The following NLGN1 variants were observed in gnomAD, a reference collection of about 807,000 sequenced individuals.
The protein encoded by NLGN1 is neuroligin 1.
NLGN1 carries 12 observed loss-of-function variants against 65.5 expected under a neutral mutation model. The observed-to-expected ratio is 0.18, with a 90% CI of 0.12 to 0.30. NLGN1 has a LOEUF of 0.30. Among genes scored for constraint, NLGN1 ranks in the 10% least tolerant of loss-of-function variants. The pLI is 1.00. For synonymous variants in NLGN1, 350 were observed against 359.5 expected, an observed-to-expected ratio of 0.97 and a Z score of 0.30; for missense variants, 750 against 1,007.1, an observed-to-expected ratio of 0.74 and a Z score of 3.46.
intron 4 of NLGN1, among the ~76,000 whole-genome samples, chr3:174,176,135 C>A (rs1561221585): frequency 6.6e-6 from 1 of 151,746 alleles, no homozygotes; most frequent in Non-Finnish European, 1.5e-5. Context: ...CTTTATTTTA[C>A]TATGTAATTT....
chr3:174,219,020 T>C (rs916110054), intron 4 of NLGN1, among the ~76,000 whole-genome samples: 2 of 152,134 alleles, frequency 1.3e-5, no homozygotes, highest in Admixed American at 6.6e-5. Context: ...TATTTGTTCA[T>C]ATTCAATCTT....
At chr3:173,674,599 C>A (rs1762880073) in intron 3 of NLGN1, among the ~76,000 whole-genome samples, 1 of 151,188 alleles carries the variant, frequency 6.6e-6, no homozygotes, top group African/African-American at 2.4e-5. Flanking sequence ...GAAAGCTGTC[C>A]TTTCCGAAAT....
chr3:173,614,029 TA>T (rs5854520), intron 3 of NLGN1, among the ~76,000 whole-genome samples: 44,492 of 137,342 alleles, frequency 0.32, 7,208 homozygotes, highest in East Asian at 0.47. Flanking sequence ...TTATTCCACT[TA>T]AAAAAAAAAA....
At chr3:173,580,874 A>G (rs1461104961) in intron 2 of NLGN1, among the ~76,000 whole-genome samples, 1 of 151,280 alleles carries the variant, frequency 6.6e-6, no homozygotes, top group East Asian at 2.0e-4. Context: ...AATCATCAAT[A>G]GGAAACTAAG....
upstream of NLGN1, chr3:173,397,940 C>A (rs1716921607): frequency 6.6e-6 from 1 of 152,236 alleles, no homozygotes; most frequent in Non-Finnish European, 1.5e-5. Context: ...CTCACGCTGC[C>A]AGAGCCCGGG....
chr3:174,167,173 CCATTTA>C (rs1359306298), intron 4 of NLGN1, among the ~76,000 whole-genome samples: 1 of 152,034 alleles, frequency 6.6e-6, no homozygotes, highest in Non-Finnish European at 1.5e-5. Flanking sequence ...GGCATTTAGA[CCATTTA>C]CATTCAAGGT....
intron 4 of NLGN1, among the ~76,000 whole-genome samples, chr3:173,840,549 G>A (rs1442148359): frequency 1.3e-5 from 2 of 152,142 alleles, no homozygotes; most frequent in Non-Finnish European, 2.9e-5. Flanking sequence ...GATGCTAGAA[G>A]AAATGAGGTT....
At chr3:174,043,941 A>G (rs978222187) in intron 4 of NLGN1, among the ~76,000 whole-genome samples, 1 of 152,204 alleles carries the variant, frequency 6.6e-6, no homozygotes, top group Non-Finnish European at 1.5e-5. Flanking sequence ...TAGACATCCA[A>G]GTATTTTCAT....
At chr3:174,282,539 T>C (rs865964154) in exon 7 of NLGN1, 1 of 152,192 alleles carries the variant, frequency 6.6e-6, no homozygotes, top group Admixed American at 6.6e-5. Context: ...ACAACGTAGA[T>C]ACAGAACCTA....
intron 4 of NLGN1, among the ~76,000 whole-genome samples, chr3:174,175,363 T>C (rs1006768830): frequency 6.6e-6 from 1 of 151,932 alleles, no homozygotes; most frequent in East Asian, 1.9e-4. Context: ...CTTGTTGAAT[T>C]AGCACCTTTA....
At chr3:174,250,157 C>T (rs967286378) in intron 4 of NLGN1, among the ~76,000 whole-genome samples, 1 of 152,080 alleles carries the variant, frequency 6.6e-6, no homozygotes, top group African/African-American at 2.4e-5. Context: ...CATTAACTCA[C>T]TAGGGAACCT....
chr3:173,851,791 A>G (rs1726965184), intron 4 of NLGN1, among the ~76,000 whole-genome samples: 1 of 152,168 alleles, frequency 6.6e-6, no homozygotes. Flanking sequence ...ATCTGCTTTC[A>G]TAGGTTTGAA....
chr3:173,983,925 G>A (rs1719321326), intron 4 of NLGN1, among the ~76,000 whole-genome samples: 2 of 152,144 alleles, frequency 1.3e-5, no homozygotes, highest in Non-Finnish European at 2.9e-5. Flanking sequence ...TATATTTGCA[G>A]AAGGCACTCC....
rs945534806 is a variant in NLGN1, at chr3:173,857,872, G to A, written c.646+50040G>A. On this transcript the variant is annotated intron_variant, in intron 4 of 6. Transcript: ENST00000457714. ...GTCCTATACAAAACCATTTCTCTTC[G>A]TAGGAAGAGAACTATTTCATTGGGC... Among the ~76,000 whole-genome samples, 3 of 141,704 alleles carry A rather than the reference G, an allele frequency of 2.1e-5. No individual in the cohort carries two copies. In the South Asian group the frequency reaches 7.0e-4, roughly 33 times the overall value. The allele number at this position is 141,704 out of a possible 152,430, so 93.0% of individuals were successfully genotyped here. A position where few individuals can be genotyped will look rare whatever the true frequency, so the allele number is the denominator to read the frequency against.
At chr3:173,900,717 G>C (rs1012241497) in intron 4 of NLGN1, among the ~76,000 whole-genome samples, 6 of 151,970 alleles carry the variant, frequency 3.9e-5, no homozygotes, top group Non-Finnish European at 7.4e-5. Context: ...GTCATGCAAA[G>C]TACAAAGATC....
chr3:173,770,686 T>C (rs139786211), intron 3 of NLGN1, among the ~76,000 whole-genome samples: 197 of 152,238 alleles, frequency 1.3e-3, no homozygotes, highest in Admixed American at 1.8e-3. Flanking sequence ...TTACAGAAAA[T>C]ACAATTTCAG....
chr3:174,061,675 T>C (rs1737451655), intron 4 of NLGN1, among the ~76,000 whole-genome samples: 1 of 152,160 alleles, frequency 6.6e-6, no homozygotes, highest in Non-Finnish European at 1.5e-5. Context: ...TTAATTAAAA[T>C]GATTTAACAT....
intron 4 of NLGN1, among the ~76,000 whole-genome samples, chr3:174,191,090 T>C (rs1400541174): frequency 1.3e-5 from 2 of 152,068 alleles, no homozygotes; most frequent in African/African-American, 2.4e-5. Flanking sequence ...AGCCTTTCCA[T>C]AGGATAAAAA....
intron 2 of NLGN1, among the ~76,000 whole-genome samples, chr3:173,454,115 G>A (rs904586041): frequency 6.6e-6 from 1 of 152,160 alleles, no homozygotes; most frequent in Admixed American, 6.5e-5. Flanking sequence ...CATTGTCAAT[G>A]AGCAGTAATA....
Sources: allele counts gnomAD v4.1 joint callset (sites outside exome capture counted in the v4.1 genomes callset), GRCh38; gene constraint gnomAD v4.1.1; transcripts MANE v1.5; gene names NCBI Gene and HGNC (gene_info 2026-07-23, HGNC 2026-07-21).